SLC25A33: variants seen among roughly 807,000 people sequenced by gnomAD.
SLC25A33 encodes the protein solute carrier family 25 member 33.
Under a neutral mutation model 35.5 loss-of-function variants are expected in SLC25A33, and 15 were observed. The observed-to-expected ratio is 0.42, with a 90% CI of 0.28 to 0.65. SLC25A33 has a LOEUF of 0.65. Among genes scored for constraint, SLC25A33 ranks in the 30% least tolerant of loss-of-function variants. The probability of loss-of-function intolerance (pLI) is 0.20; values close to 1 mark genes in which losing one functional copy is unlikely to be tolerated. For synonymous variants in SLC25A33, 136 were observed against 148.7 expected (o/e 0.91, Z 0.62); for missense variants, 257 against 398.5 (o/e 0.64, Z 3.02).
At position 9,553,762 on chromosome 1, in the gene SLC25A33, G is replaced by A. The variant is rs753174908; in HGVS notation, c.193G>A (p.Val65Met). Residue 65 changes from valine to methionine, a missense_variant, in exon 2 of 7, where the codon GTG becomes ATG. Coordinates refer to ENST00000302692, the MANE Select transcript of SLC25A33 (RefSeq NM_032315.3). ...HLGTISGAGMVRPTSVTPGLF... is the reference protein window; with the variant it reads ...HLGTISGAGMMRPTSVTPGLF... ...GGGGACCATTAGTGGAGCTGGAATG[G>A]TGAGACCAACATCCGTGACACCTGG... The A allele has an allele frequency of 1.2e-6, 2 of 1,614,158 alleles. No homozygotes were observed. The highest frequency in any genetic ancestry group is 2.2e-5 in the South Asian group (2 of 91,084).
chr1:9,552,886 T>TA (rs1643285452), intron 1 of SLC25A33, among the ~76,000 whole-genome samples: 1 of 151,674 alleles, frequency 6.6e-6, no homozygotes, highest in Non-Finnish European at 1.5e-5. Flanking sequence ...GAATAGTAGT[T>TA]ACCCTTTAGC....
rs759421888 is a variant in SLC25A33 at position 9,553,653 on chromosome 1, C to T, written c.84C>T (p.Phe28=). The change falls in exon 2 of 7, where the codon TTC becomes TTT. Residue 28 remains phenylalanine (F), a synonymous_variant. Transcript: ENST00000302692. Reference sequence around the variant, plus strand: ...GTGGAGGCACAGTTGGTGCTATTTTCACTTGTCCACTAGAAGTCATTAAGA... The same window carrying T: ...GTGGAGGCACAGTTGGTGCTATTTTTACTTGTCCACTAGAAGTCATTAAGA... ...GGCGGTVGAI[F]TCPLEVIKTR... 6.2e-6 allele frequency: 10 copies of T among 1,613,662 alleles called. No homozygotes were observed. The highest frequency in any genetic ancestry group is 8.5e-6 in the Non-Finnish European group (10 of 1,180,030).
intron 1 of SLC25A33, among the ~76,000 whole-genome samples, chr1:9,547,131 T>C (rs1204948492): frequency 2.6e-5 from 4 of 152,132 alleles, no homozygotes; most frequent in Non-Finnish European, 5.9e-5. Context: ...AGACATGAGT[T>C]CAATCCTGTC....
At chr1:9,550,011 A>ATATATATATT (rs754618497) in intron 1 of SLC25A33, among the ~76,000 whole-genome samples, 56 of 48,864 alleles carry the variant, frequency 1.1e-3, no homozygotes, top group African/African-American at 3.4e-3. Flanking sequence ...ATATATATAT[A>ATATATATATT]TTTTTTTTTT....
At chr1:9,566,567 C>T (rs1469940609) in intron 2 of SLC25A33, among the ~76,000 whole-genome samples, 2 of 152,098 alleles carry the variant, frequency 1.3e-5, no homozygotes, top group African/African-American at 2.4e-5. Context: ...CTGTGTTGGG[C>T]CGGGTGTGGT....
intron 2 of SLC25A33, among the ~76,000 whole-genome samples, chr1:9,563,375 A>G (rs1643454292): frequency 6.6e-6 from 1 of 152,218 alleles, no homozygotes; most frequent in Non-Finnish European, 1.5e-5. Flanking sequence ...AAATTAGGAG[A>G]AGAGAAGCTA....
intron 1 of SLC25A33, among the ~76,000 whole-genome samples, chr1:9,541,808 T>G (rs186702952): frequency 4.9e-4 from 75 of 152,106 alleles, no homozygotes; most frequent in Middle Eastern, 3.4e-3. Context: ...TTTTGCTTTT[T>G]GTTTTTTTTC....
In SLC25A33 at chr1:9,584,514, C is replaced by G. The variant is rs1270531847; in HGVS notation, c.*2013C>G. 1 of 152,340 alleles carries G rather than the reference C, an allele frequency of 6.6e-6. No individual in the cohort carries two copies. Among genetic ancestry groups the G allele is most frequent in the Non-Finnish European group, 1.5e-5 (1 of 68,138 alleles). 9.4% of individuals were successfully genotyped at this position (152,340 alleles called of 1,614,324 possible). A position where few individuals can be genotyped will look rare whatever the true frequency, so the allele number is the denominator to read the frequency against. On this transcript the variant is annotated 3_prime_UTR_variant, in exon 7 of 7. Coordinates refer to ENST00000302692, the MANE Select transcript of SLC25A33 (RefSeq NM_032315.3). Reference sequence around the variant, plus strand: ...TCCCGGTTTCAAGCAATTCTCCTGTCTTAGCCTCCTGAGTAGCTGGGACTA... The same window carrying G: ...TCCCGGTTTCAAGCAATTCTCCTGTGTTAGCCTCCTGAGTAGCTGGGACTA...
chr1:9,557,722 G>A (rs751710543), intron 2 of SLC25A33, among the ~76,000 whole-genome samples: 1 of 152,064 alleles, frequency 6.6e-6, no homozygotes, highest in Non-Finnish European at 1.5e-5. Flanking sequence ...AATGTATTTG[G>A]GAAATGTTAG....
chr1:9,557,865 T>C (rs1437751569), intron 2 of SLC25A33, among the ~76,000 whole-genome samples: 1 of 152,190 alleles, frequency 6.6e-6, no homozygotes, highest in East Asian at 1.9e-4. Flanking sequence ...ATTGTGCCAC[T>C]GTACTCCAGC....
intron 1 of SLC25A33, among the ~76,000 whole-genome samples, chr1:9,553,216 T>TG (rs1557526495): frequency 1.5e-5 from 2 of 137,714 alleles, no homozygotes; most frequent in South Asian, 2.6e-4. Flanking sequence ...TTTTTTTTTT[T>TG]TTTTTTTTTT....
intron 1 of SLC25A33, among the ~76,000 whole-genome samples, chr1:9,548,580 TCAA>T (rs906676623): frequency 6.6e-6 from 1 of 152,176 alleles, no homozygotes; most frequent in Non-Finnish European, 1.5e-5. Flanking sequence ...AGACTCTGTC[TCAA>T]CAACAAAAAG....
rs1220183159 is a variant in SLC25A33 at position 9,576,628 on chromosome 1, G to A, written c.482+3216G>A. On this transcript the variant is annotated intron_variant, in intron 5 of 6. Coordinates refer to ENST00000302692, the MANE Select transcript of SLC25A33 (RefSeq NM_032315.3). ...AAAGGAACTGGCTACCGTTCGAACT[G>A]TTGGTAGTTATGTGCAGAACACGAT... The A allele has an allele frequency of 6.7e-6, 4 of 598,830 alleles. No individual in the cohort carries two copies. The East Asian group carries it at 1.3e-4, about 19-fold the overall frequency. The allele number at this position is 598,830 out of a possible 1,614,324, so 37.1% of individuals were successfully genotyped here. A position where few individuals can be genotyped will look rare whatever the true frequency, so the allele number is the denominator to read the frequency against.
At position 9,584,114 on chromosome 1, in the gene SLC25A33, C is replaced by T. The variant is rs952062528; in HGVS notation, c.*1613C>T. The T allele has an allele frequency of 6.6e-6, 1 of 152,056 alleles. No individual in the cohort carries two copies. Among genetic ancestry groups the T allele is most frequent in the Non-Finnish European group, 1.5e-5 (1 of 68,012 alleles). 9.4% of individuals were successfully genotyped at this position (152,056 alleles called of 1,614,324 possible). A position where few individuals can be genotyped will look rare whatever the true frequency, so the allele number is the denominator to read the frequency against. Reference sequence around the variant, plus strand: ...ACCCCTAGTCTTCCATTAGCTCTTTCACTGGAATTTGAGTATATTGTACAT... The same window carrying T: ...ACCCCTAGTCTTCCATTAGCTCTTTTACTGGAATTTGAGTATATTGTACAT... On this transcript the variant is annotated 3_prime_UTR_variant, in exon 7 of 7. Transcript: ENST00000302692.
At chr1:9,550,231 TAA>T (rs537669811) in intron 1 of SLC25A33, among the ~76,000 whole-genome samples, 30 of 133,518 alleles carry the variant, frequency 2.2e-4, no homozygotes, top group Admixed American at 6.9e-4. Context: ...CTTCTCTCTT[TAA>T]AAAAAAAAAA....
intron 3 of SLC25A33, among the ~76,000 whole-genome samples, chr1:9,569,987 A>G (rs548754363): frequency 1.3e-5 from 2 of 152,314 alleles, no homozygotes; most frequent in African/African-American, 4.8e-5. Flanking sequence ...GAAGAATGTA[A>G]AAGGACTTTG....
intron 5 of SLC25A33, among the ~76,000 whole-genome samples, chr1:9,574,596 A>G (rs1557536263): frequency 1.3e-5 from 2 of 152,208 alleles, no homozygotes; most frequent in African/African-American, 4.8e-5. Flanking sequence ...TGCTGCTACT[A>G]CTGTGGCCTG....
chr1:9,547,335 T>A (rs955250153), intron 1 of SLC25A33, among the ~76,000 whole-genome samples: 2 of 151,864 alleles, frequency 1.3e-5, no homozygotes, highest in Non-Finnish European at 2.9e-5. Flanking sequence ...ACATCTGTAA[T>A]CACAGCTACC....
At chr1:9,566,252 G>A (rs1285420869) in intron 2 of SLC25A33, among the ~76,000 whole-genome samples, 1 of 151,982 alleles carries the variant, frequency 6.6e-6, no homozygotes, top group Admixed American at 6.6e-5. Flanking sequence ...TGTTGCTCAG[G>A]CTGGTCTGGA....
Sources: gnomAD v4.1 joint callset for allele counts (sites outside exome capture counted in the v4.1 genomes callset) on GRCh38, gnomAD v4.1.1 for gene constraint, MANE v1.5 for transcripts, NCBI Gene and HGNC (gene_info 2026-07-23, HGNC 2026-07-21) for gene names.